DESI2: variants seen among roughly 807,000 people sequenced by gnomAD.
The protein encoded by DESI2 is desumoylating isopeptidase 2.
DESI2 carries 10 observed loss-of-function variants against 24.1 expected under a neutral mutation model. That is an observed-to-expected ratio of 0.41 (90% confidence interval 0.26 to 0.70). DESI2 has a LOEUF of 0.70. DESI2 is among the 30% of genes least tolerant of loss of function. DESI2 has a pLI of 0.29. For missense variants in DESI2, 122 were observed against 234.9 expected, an observed-to-expected ratio of 0.52 and a Z score of 3.14; for synonymous variants, 71 against 87.7, an observed-to-expected ratio of 0.81 and a Z score of 1.06.
At chr1:244,676,790 T>C (rs1676428936) in intron 1 of DESI2, among the ~76,000 whole-genome samples, 1 of 147,900 alleles carries the variant, frequency 6.8e-6, no homozygotes, top group Non-Finnish European at 1.5e-5. Context: ...TTATATATTG[T>C]ATAAAATATA....
At position 244,657,437 on chromosome 1, in the gene DESI2, T is replaced by G. The variant is rs191791049; in HGVS notation, c.42+4082T>G. Reference sequence around the variant, plus strand: ...TGCCACTGCCCAAAAAGCCACCACTTTTGTTGTAGTTTCCCAAACCGGAAA... The same window carrying G: ...TGCCACTGCCCAAAAAGCCACCACTGTTGTTGTAGTTTCCCAAACCGGAAA... On this transcript the variant is annotated intron_variant, in intron 1 of 4. Transcript: ENST00000302550. Among the ~76,000 whole-genome samples, 11 of 152,282 alleles carry G rather than the reference T, an allele frequency of 7.2e-5. No homozygotes were observed. In the East Asian group the frequency reaches 2.1e-3, roughly 29 times the overall value.
chr1:244,702,384 C>CAT (rs1018320845), intron 4 of DESI2, among the ~76,000 whole-genome samples: 6 of 152,118 alleles, frequency 3.9e-5, no homozygotes, highest in African/African-American at 1.2e-4. Context: ...TGTGGTGGTG[C>CAT]ATGCCTATGA....
intron 1 of DESI2, among the ~76,000 whole-genome samples, chr1:244,654,725 A>G (rs1675585947): frequency 6.6e-6 from 1 of 152,186 alleles, no homozygotes; most frequent in African/African-American, 2.4e-5. Flanking sequence ...CTGGATTTAA[A>G]CTTTTTGTGT....
At chr1:244,699,400 G>T (rs1677348963) in intron 4 of DESI2, among the ~76,000 whole-genome samples, 1 of 146,064 alleles carries the variant, frequency 6.8e-6, no homozygotes, top group Non-Finnish European at 1.5e-5. Flanking sequence ...TGGCCAACAG[G>T]ATGTACAACA....
At chr1:244,672,380 T>G (rs1201415426) in intron 1 of DESI2, among the ~76,000 whole-genome samples, 4 of 152,178 alleles carry the variant, frequency 2.6e-5, no homozygotes, top group African/African-American at 9.7e-5. Context: ...GCTCTCCTTT[T>G]GTTTTCCACC....
chr1:244,687,786 G>A (rs1676873691), intron 2 of DESI2, among the ~76,000 whole-genome samples: 1 of 152,210 alleles, frequency 6.6e-6, no homozygotes, highest in Non-Finnish European at 1.5e-5. Context: ...ATGCTTGGGA[G>A]TATTGCTGTG....
intron 1 of DESI2, among the ~76,000 whole-genome samples, chr1:244,680,236 C>G (rs1676561560): frequency 6.6e-6 from 1 of 152,020 alleles, no homozygotes; most frequent in South Asian, 2.1e-4. Context: ...TTGCTTGAGC[C>G]TAGGAGTTCG....
chr1:244,662,142 C>T (rs548175236), intron 1 of DESI2, among the ~76,000 whole-genome samples: 2 of 152,322 alleles, frequency 1.3e-5, no homozygotes, highest in Admixed American at 1.3e-4. Context: ...TTTTGATTTG[C>T]ATTTCTCTGA....
At chr1:244,664,282 G>A (rs1002171915) in intron 1 of DESI2, among the ~76,000 whole-genome samples, 7 of 152,112 alleles carry the variant, frequency 4.6e-5, no homozygotes, top group Admixed American at 1.3e-4. Flanking sequence ...ATAGAAGGAC[G>A]TGTGTTGTAA....
intron 1 of DESI2, among the ~76,000 whole-genome samples, chr1:244,664,519 G>A (rs916773022): frequency 2.0e-5 from 3 of 152,236 alleles, no homozygotes; most frequent in Non-Finnish European, 4.4e-5. Context: ...GCTGAGGTGG[G>A]TGGTAGTGGG....
intron 1 of DESI2, among the ~76,000 whole-genome samples, chr1:244,685,431 A>T (rs1676785307): frequency 6.6e-6 from 1 of 152,130 alleles, no homozygotes; most frequent in Non-Finnish European, 1.5e-5. Flanking sequence ...CTGTACCAGG[A>T]TCTGTTCCTG....
At chr1:244,685,959 C>T (rs1211610468) in intron 1 of DESI2, among the ~76,000 whole-genome samples, 1 of 152,182 alleles carries the variant, frequency 6.6e-6, no homozygotes, top group East Asian at 1.9e-4. Context: ...CCCCATGGCC[C>T]AGTTTTCTTA....
chr1:244,683,625 A>G (rs1447310753), intron 1 of DESI2, among the ~76,000 whole-genome samples: 1 of 151,878 alleles, frequency 6.6e-6, no homozygotes, highest in Non-Finnish European at 1.5e-5. Context: ...GCCATATATT[A>G]CTTTGCAACT....
chr1:244,701,069 TAAAGCACAAGAAG>T (rs1677431988), intron 4 of DESI2, among the ~76,000 whole-genome samples: 4 of 152,136 alleles, frequency 2.6e-5, no homozygotes, highest in Admixed American at 2.6e-4. Flanking sequence ...GAAGAACTAT[TAAAGCACAAGAAG>T]GAATCAACAT....
At chr1:244,655,521 A>G (rs568020282) in intron 1 of DESI2, among the ~76,000 whole-genome samples, 1 of 152,360 alleles carries the variant, frequency 6.6e-6, no homozygotes, top group Admixed American at 6.5e-5. Context: ...GGTAGAAGCC[A>G]CAAGGATGAG....
chr1:244,701,087 C>CCTTCTTGTGCTTT (rs1677433195), intron 4 of DESI2, among the ~76,000 whole-genome samples: 4 of 151,664 alleles, frequency 2.6e-5, no homozygotes, highest in Admixed American at 2.6e-4. Flanking sequence ...AAGAAGGAAT[C>CCTTCTTGTGCTTT]AACATTTAAT....
chr1:244,659,507 A>T (rs1675765438), intron 1 of DESI2, among the ~76,000 whole-genome samples: 1 of 152,190 alleles, frequency 6.6e-6, no homozygotes, highest in Non-Finnish European at 1.5e-5. Flanking sequence ...TCCTGCTGTC[A>T]GCTGGGATCC....
chr1:244,678,652 G>A (rs1311590425), intron 1 of DESI2, among the ~76,000 whole-genome samples: 1 of 152,138 alleles, frequency 6.6e-6, no homozygotes, highest in Non-Finnish European at 1.5e-5. Context: ...AAAATTAAGT[G>A]ATATTGAACA....
intron 1 of DESI2, among the ~76,000 whole-genome samples, chr1:244,668,182 C>T (rs1291362474): frequency 6.6e-6 from 1 of 152,122 alleles, no homozygotes; most frequent in Non-Finnish European, 1.5e-5. Flanking sequence ...AGAGGTATAC[C>T]TATGTTTTGT....
Sources: allele counts gnomAD v4.1 joint callset (sites outside exome capture counted in the v4.1 genomes callset), GRCh38; gene constraint gnomAD v4.1.1; transcripts MANE v1.5; gene names NCBI Gene and HGNC (gene_info 2026-07-23, HGNC 2026-07-21).